NAALADL2: variants seen among roughly 807,000 people sequenced by gnomAD.
NAALADL2 encodes N-acetylated alpha-linked acidic dipeptidase like 2.
NAALADL2 carries 76 observed loss-of-function variants against 87.2 expected under a neutral mutation model. The ratio of observed to expected loss-of-function variants is 0.87; its 90% CI spans 0.72 to 1.05. The LOEUF is 1.05. Ranked by LOEUF, NAALADL2 falls within the 50% of genes least tolerant of loss-of-function variation. The probability of loss-of-function intolerance (pLI) is 0.00; values close to 1 mark genes in which losing one functional copy is unlikely to be tolerated. For missense variants in NAALADL2, 1,089 were observed against 945.8 expected, an observed-to-expected ratio of 1.15 and a Z score of -1.99; for synonymous variants, 354 against 331.0, an observed-to-expected ratio of 1.07 and a Z score of -0.75.
At position 175,292,582 on chromosome 3, in the gene NAALADL2, G is replaced by A. The variant is rs1462823908; in HGVS notation, c.940-31593G>A. On this transcript the variant is annotated intron_variant, in intron 4 of 13. Transcript: ENST00000454872. ...GAGACTCAATAAATGCAGTCTGATTGTGAGTTGGGATACACACACACACAC... is the reference window on the plus strand; with the variant it reads ...GAGACTCAATAAATGCAGTCTGATTATGAGTTGGGATACACACACACACAC... Among the ~76,000 whole-genome samples the A allele has an allele frequency of 7.4e-5, 8 of 108,798 alleles. No homozygotes were observed. The East Asian group carries it at 2.0e-3, about 27-fold the overall frequency. The allele number at this position is 108,798 out of a possible 152,430, so 71.4% of individuals were successfully genotyped here. A position where few individuals can be genotyped will look rare whatever the true frequency, so the allele number is the denominator to read the frequency against.
chr3:175,515,558 G>T lies in NAALADL2; in HGVS notation c.1653+43800G>T, dbSNP rs538426081. Among the ~76,000 whole-genome samples the T allele has an allele frequency of 3.2e-4, 48 of 149,768 alleles. 1 individual carries two copies. In the South Asian group the frequency reaches 9.4e-3, roughly 29 times the overall value. ...CAAAAGAGAATTCTAGCTAATTTTT[G>T]GGAAAAAAAAAAAAAGCATACTGGA... On this transcript the variant is annotated intron_variant, in intron 9 of 13. Coordinates refer to ENST00000454872, the MANE Select transcript of NAALADL2 (RefSeq NM_207015.3).
At chr3:175,787,526 C>G (rs911394516) in intron 13 of NAALADL2, among the ~76,000 whole-genome samples, 79 of 151,130 alleles carry the variant, frequency 5.2e-4, no homozygotes, top group African/African-American at 1.1e-3. Context: ...ACTCCCTGAC[C>G]CCTTGCGCTT....
chr3:175,031,325 T>C (rs529755440), intron 1 of NAALADL2, among the ~76,000 whole-genome samples: 2 of 152,172 alleles, frequency 1.3e-5, no homozygotes, highest in South Asian at 4.1e-4. Flanking sequence ...CCCATCTTTA[T>C]GTTCATGTGT....
chr3:175,222,761 T>C (rs1055783381), intron 2 of NAALADL2, among the ~76,000 whole-genome samples: 1 of 152,130 alleles, frequency 6.6e-6, no homozygotes, highest in Non-Finnish European at 1.5e-5. Context: ...TAAAAAGATA[T>C]TAATTTATTA....
intron 2 of NAALADL2, among the ~76,000 whole-genome samples, chr3:175,128,701 T>C (rs1727339273): frequency 6.6e-6 from 1 of 152,176 alleles, no homozygotes; most frequent in Non-Finnish European, 1.5e-5. Flanking sequence ...CTCCAGTGCA[T>C]TCTTTTCATT....
intron 1 of NAALADL2, among the ~76,000 whole-genome samples, chr3:174,957,967 TAG>T (rs1553903443): frequency 6.6e-6 from 1 of 151,954 alleles, no homozygotes; most frequent in Non-Finnish European, 1.5e-5. Context: ...TTTGTTAATG[TAG>T]TTTCCTTTCT....
At chr3:175,426,767 G>A (rs2149143496) in intron 5 of NAALADL2, among the ~76,000 whole-genome samples, 1 of 152,134 alleles carries the variant, frequency 6.6e-6, no homozygotes, top group African/African-American at 2.4e-5. Context: ...CAACTTCACA[G>A]CTTTATCTCG....
chr3:174,959,050 T>C lies in NAALADL2; in HGVS notation c.43+99600T>C, dbSNP rs146562141. ...TGCTGGAGAAGTCTAATTCAGGAAA[T>C]TGTGAAATGAATTTGGTGGACATCT... is the stretch of plus-strand genomic sequence containing the variant. On this transcript the variant is annotated intron_variant, in intron 1 of 13. Transcript: ENST00000454872. Among the ~76,000 whole-genome samples, 466 of 152,174 alleles carry C rather than the reference T, an allele frequency of 3.1e-3. 4 individuals carry two copies. Among genetic ancestry groups the C allele is most frequent in the African/African-American group, 0.01 (436 of 41,552 alleles).
Position 175,655,304 on chromosome 3 carries a change from A to G in NAALADL2, c.1896+27918A>G, listed in dbSNP as rs567424660. 3.3e-5 allele frequency among the ~76,000 whole-genome samples: 5 copies of G among 152,254 alleles called. No homozygotes were observed. The East Asian group carries it at 7.7e-4, about 23-fold the overall frequency. On this transcript the variant is annotated intron_variant, in intron 11 of 13. Coordinates refer to ENST00000454872, the MANE Select transcript of NAALADL2 (RefSeq NM_207015.3). ...GTGAGTATCTACATATATTTCATGCATTATTGACATAAATAACTTTTTCTT... is the reference window on the plus strand; with the variant it reads ...GTGAGTATCTACATATATTTCATGCGTTATTGACATAAATAACTTTTTCTT...
intron 1 of NAALADL2, among the ~76,000 whole-genome samples, chr3:174,517,156 A>T (rs1258289132): frequency 6.6e-6 from 1 of 151,956 alleles, no homozygotes; most frequent in Admixed American, 6.6e-5. Context: ...TATAAGAGAA[A>T]ATTAACACAG....
At chr3:174,536,074 A>G (rs1721695308) in intron 1 of NAALADL2, among the ~76,000 whole-genome samples, 1 of 152,172 alleles carries the variant, frequency 6.6e-6, no homozygotes, top group African/African-American at 2.4e-5. Flanking sequence ...AACATTTTTA[A>G]AATGCAGCTT....
chr3:174,953,297 T>TCCTCTCCCCCCCC (rs1740651836), intron 1 of NAALADL2, among the ~76,000 whole-genome samples: 6 of 59,316 alleles, frequency 1.0e-4, no homozygotes, highest in Non-Finnish European at 1.2e-4. Flanking sequence ...CTTTCTTGCC[T>TCCTCTCCCCCCCC]CCCCTCCCCT....
chr3:174,677,699 T>C (rs1276799615), intron 2 of NAALADL2, among the ~76,000 whole-genome samples: 1 of 152,034 alleles, frequency 6.6e-6, no homozygotes, highest in Non-Finnish European at 1.5e-5. Flanking sequence ...TAATAATGAA[T>C]ATTGTTGATT....
At chr3:175,420,257 T>C (rs1043262571) in intron 5 of NAALADL2, among the ~76,000 whole-genome samples, 3 of 152,030 alleles carry the variant, frequency 2.0e-5, no homozygotes, top group African/African-American at 7.2e-5. Context: ...TACTATATAG[T>C]CCTGTTTAGA....
intron 2 of NAALADL2, among the ~76,000 whole-genome samples, chr3:174,642,523 AAAAG>A (rs1723315814): frequency 6.6e-6 from 1 of 150,948 alleles, no homozygotes; most frequent in Non-Finnish European, 1.5e-5. Context: ...AAAAAAAAAA[AAAAG>A]CATGTTGCCA....
At chr3:174,958,025 T>G (rs569900589) in intron 1 of NAALADL2, among the ~76,000 whole-genome samples, 1 of 151,996 alleles carries the variant, frequency 6.6e-6, no homozygotes, top group Admixed American at 6.6e-5. Context: ...CACATACTCA[T>G]CCTATGCATC....
chr3:175,254,195 T>C lies in NAALADL2; in HGVS notation c.820-2216T>C, dbSNP rs1213082140. Among the ~76,000 whole-genome samples, 8 of 152,198 alleles carry C rather than the reference T, an allele frequency of 5.3e-5. No homozygotes were observed. In the East Asian group the frequency reaches 1.5e-3, roughly 29 times the overall value. The stretch of plus-strand genomic sequence containing the variant: ...AGTCAGTTGATGTGGCAAACTTCAC[T>C]GTTGTCTTATTTTAAGAAATTACCA... On this transcript the variant is annotated intron_variant, in intron 3 of 13. Transcript: ENST00000454872.
chr3:175,039,762 T>C (rs1010668474), intron 1 of NAALADL2, among the ~76,000 whole-genome samples: 9 of 152,204 alleles, frequency 5.9e-5, no homozygotes, highest in Non-Finnish European at 1.2e-4. Flanking sequence ...ACCAAGAGTT[T>C]AGTATACAGT....
At chr3:174,918,393 C>A (rs770670931) in intron 1 of NAALADL2, among the ~76,000 whole-genome samples, 2 of 152,028 alleles carry the variant, frequency 1.3e-5, no homozygotes, top group Non-Finnish European at 1.5e-5. Flanking sequence ...GGAAAAAAAC[C>A]GAATCCCTGT....
Sources: allele counts gnomAD v4.1 joint callset (sites outside exome capture counted in the v4.1 genomes callset), GRCh38; gene constraint gnomAD v4.1.1; transcripts MANE v1.5; gene names NCBI Gene and HGNC (gene_info 2026-07-23, HGNC 2026-07-21).